Variants in GRB14 observed in about 807,000 individuals in gnomAD.
The protein encoded by GRB14 is growth factor receptor-bound protein 14.
Under a neutral mutation model 69.1 loss-of-function variants are expected in GRB14, and 38 were observed. The ratio of observed to expected loss-of-function variants is 0.55; its 90% CI spans 0.42 to 0.72. The LOEUF (loss-of-function observed/expected upper bound fraction) is 0.72. GRB14 is among the 30% of genes least tolerant of loss of function. The pLI, the probability that GRB14 is intolerant of heterozygous loss-of-function variation, is 0.00. For synonymous variants in GRB14, 247 were observed against 241.3 expected, an observed-to-expected ratio of 1.02 and a Z score of -0.22; for missense variants, 666 against 666.1, an observed-to-expected ratio of 1.00 and a Z score of 0.00.
At position 164,547,770 on chromosome 2, in the gene GRB14, A is replaced by T. The variant is rs539052938; in HGVS notation, c.371T>A (p.Val124Glu). ...ATCTCGAGCCGTTATGTCACTGGGT[A>T]CATCTAAAGCCCTGCTGGTTTCATC... The part of the protein sequence containing the change: ...SEDETSRALD[V>E]PSDITARDVC... The change falls in exon 3 of 14, where the codon GTA becomes GAA. Residue 124 changes from valine to glutamate, a missense_variant. By Grantham distance (121) the Val-to-Glu change is moderately radical. Coordinates refer to ENST00000263915, the MANE Select transcript of GRB14 (RefSeq NM_004490.3). The T allele has an allele frequency of 1.9e-6, 3 of 1,613,894 alleles. No individual in the cohort carries two copies. The highest frequency in any genetic ancestry group is 1.3e-5 in the African/African-American group (1 of 75,066).
chr2:164,549,368 T>C (rs201095026), intron 2 of GRB14, among the ~76,000 whole-genome samples: 1 of 152,214 alleles, frequency 6.6e-6, no homozygotes, highest in East Asian at 1.9e-4. Flanking sequence ...GATTAATCAG[T>C]TATAATTCCT....
chr2:164,585,852 A>T lies in GRB14; in HGVS notation c.324+33835T>A, dbSNP rs1022106599. ...AAAACAAAAACAAAACAACCTCCAA[A>T]TTTATTTTCTCAATATAAAACATTA... On this transcript the variant is annotated intron_variant, in intron 2 of 13. Coordinates refer to ENST00000263915, the MANE Select transcript of GRB14 (RefSeq NM_004490.3). 5.3e-5 allele frequency among the ~76,000 whole-genome samples: 8 copies of T among 152,282 alleles called. No homozygotes were observed. In the East Asian group the frequency reaches 1.5e-3, roughly 29 times the overall value.
At chr2:164,571,351 G>A (rs1689118386) in intron 2 of GRB14, among the ~76,000 whole-genome samples, 1 of 152,216 alleles carries the variant, frequency 6.6e-6, no homozygotes, top group South Asian at 2.1e-4. Context: ...AGGCCTGGAA[G>A]AGCCCAAGGC....
At position 164,511,512 on chromosome 2, in the gene GRB14, G is replaced by GGGAAC. The variant is rs540772629; in HGVS notation, c.817-2665_817-2661dup. On this transcript the variant is annotated intron_variant, in intron 6 of 13. Transcript: ENST00000263915. ...TTGTTAGACACACCCTGAGCCAGAA[G>GGGAAC]GGAACCCACTGCCTTGAAGGGAAAA... is the stretch of plus-strand genomic sequence containing the variant. Among the ~76,000 whole-genome samples the GGGAAC allele has an allele frequency of 6.4e-4, 97 of 152,270 alleles. 1 individual carries two copies. Among genetic ancestry groups the GGGAAC allele is most frequent in the Non-Finnish European group, 1.1e-3 (75 of 68,020 alleles).
At chr2:164,586,673 T>A (rs552220821) in intron 2 of GRB14, among the ~76,000 whole-genome samples, 7 of 152,240 alleles carry the variant, frequency 4.6e-5, no homozygotes, top group Admixed American at 3.3e-4. Context: ...TCATGCCCAA[T>A]AACCTTCATG....
Position 164,547,817 on chromosome 2 carries a change from C to T in GRB14, c.325-1G>A. 1 of 1,599,934 alleles carries T rather than the reference C, an allele frequency of 6.3e-7. No individual in the cohort carries two copies. Among genetic ancestry groups the T allele is most frequent in the Non-Finnish European group, 8.5e-7 (1 of 1,172,114 alleles). ...CATCTTCACTGTATACTTTAATCAC[C>T]TGTGTAGGTAGAAACAAGAAAAAGA... On this transcript the variant is annotated splice_acceptor_variant, in intron 2 of 13. Coordinates refer to ENST00000263915, the MANE Select transcript of GRB14 (RefSeq NM_004490.3). LOFTEE classifies it high-confidence loss of function.
intron 2 of GRB14, among the ~76,000 whole-genome samples, chr2:164,616,962 T>C (rs1435949479): frequency 6.6e-6 from 1 of 152,108 alleles, no homozygotes; most frequent in Non-Finnish European, 1.5e-5. Flanking sequence ...TGTAAAAGGG[T>C]AATATGTGTT....
At chr2:164,604,635 T>C (rs941880110) in intron 2 of GRB14, among the ~76,000 whole-genome samples, 8 of 151,934 alleles carry the variant, frequency 5.3e-5, no homozygotes, top group African/African-American at 1.9e-4. Flanking sequence ...CAATCTCTTC[T>C]TTCTTAAAAA....
intron 6 of GRB14, among the ~76,000 whole-genome samples, chr2:164,521,151 C>CA (rs1216450226): frequency 6.6e-6 from 1 of 151,812 alleles, no homozygotes; most frequent in African/African-American, 2.4e-5. Context: ...GTGAGATAGA[C>CA]AGACAGATAG....
intron 4 of GRB14, 25 bp from the exon 5 acceptor site, chr2:164,525,103 A>T (rs1168995333): frequency 7.1e-7 from 1 of 1,403,554 alleles, no homozygotes; most frequent in Non-Finnish European, 1.0e-6. Flanking sequence ...CAGTTAAATT[A>T]TCACAAAATT....
intron 2 of GRB14, among the ~76,000 whole-genome samples, chr2:164,584,704 C>A (rs1261735467): frequency 6.6e-6 from 1 of 152,058 alleles, no homozygotes; most frequent in Non-Finnish European, 1.5e-5. Context: ...TGACTAAAGA[C>A]ACAAAATTAT....
At chr2:164,537,892 G>A (rs1179330839) in intron 3 of GRB14, among the ~76,000 whole-genome samples, 1 of 152,072 alleles carries the variant, frequency 6.6e-6, no homozygotes, top group Non-Finnish European at 1.5e-5. Context: ...AATGATTTCT[G>A]CTGTGATGAG....
At chr2:164,600,792 A>G (rs1390872127) in intron 2 of GRB14, among the ~76,000 whole-genome samples, 4 of 152,170 alleles carry the variant, frequency 2.6e-5, no homozygotes, top group Admixed American at 6.5e-5. Context: ...ATTTAATTCA[A>G]TCTCTAAATA....
intron 3 of GRB14, among the ~76,000 whole-genome samples, chr2:164,546,648 A>G (rs1688383944): frequency 6.6e-6 from 1 of 152,246 alleles, no homozygotes; most frequent in Non-Finnish European, 1.5e-5. Flanking sequence ...AGAAAAAGTG[A>G]GATTAAGGTA....
rs537378010 is a variant in GRB14, at chr2:164,501,040, A to G, written c.1104+1215T>C. 4.9e-4 allele frequency among the ~76,000 whole-genome samples: 74 copies of G among 152,250 alleles called. 2 individuals are homozygous for G. Among genetic ancestry groups the G allele is most frequent in the Admixed American group, 4.9e-3 (74 of 15,254 alleles). On this transcript the variant is annotated intron_variant, in intron 9 of 13. Coordinates refer to ENST00000263915, the MANE Select transcript of GRB14 (RefSeq NM_004490.3). ...TGGAGGAGTTTAGGAAAGGATTAAT[A>G]TAATAAAATTCATTATTATTTTTAT...
At chr2:164,536,307 AG>A (rs1688078084) in intron 3 of GRB14, among the ~76,000 whole-genome samples, 1 of 152,248 alleles carries the variant, frequency 6.6e-6, no homozygotes, top group South Asian at 2.1e-4. Context: ...AGATAGTTGT[AG>A]AAACTGTTAC....
intron 8 of GRB14, among the ~76,000 whole-genome samples, chr2:164,504,441 C>T (rs543194878): frequency 7.8e-4 from 118 of 152,236 alleles, no homozygotes; most frequent in African/African-American, 2.6e-3. Flanking sequence ...ACAGGAGGAG[C>T]CCTGCTGACA....
At chr2:164,612,765 T>A (rs987190186) in intron 2 of GRB14, among the ~76,000 whole-genome samples, 29 of 152,112 alleles carry the variant, frequency 1.9e-4, no homozygotes, top group African/African-American at 7.0e-4. Flanking sequence ...ACATATTATA[T>A]GCCCCAGGGA....
chr2:164,539,959 T>C (rs1429336405), intron 3 of GRB14: 1 of 152,146 alleles, frequency 6.6e-6, no homozygotes, highest in African/African-American at 2.4e-5. Flanking sequence ...TAGTATACTT[T>C]TAAAACTAAA....
Sources: allele counts gnomAD v4.1 joint callset (sites outside exome capture counted in the v4.1 genomes callset), GRCh38; gene constraint gnomAD v4.1.1; transcripts MANE v1.5; gene names NCBI Gene and HGNC (gene_info 2026-07-23, HGNC 2026-07-21).